The following JARID2 variants were observed in gnomAD, a reference collection of about 807,000 sequenced individuals.
JARID2 encodes protein Jumonji.
JARID2 carries 21 observed loss-of-function variants against 125.6 expected under a neutral mutation model. The ratio of observed to expected loss-of-function variants is 0.17; its 90% CI spans 0.12 to 0.24. The LOEUF is 0.24. Among genes scored for constraint, JARID2 ranks in the 10% least tolerant of loss-of-function variants. JARID2 has a pLI of 1.00. For missense variants in JARID2, 1,303 were observed against 1,639.6 expected (o/e 0.79, Z 3.55); for synonymous variants, 736 against 661.6 (o/e 1.11, Z -1.73).
rs201785620 is a variant in JARID2 at position 15,507,128 on chromosome 6, C to G, written c.2542-8C>G. On this transcript the variant is annotated splice_region_variant and splice_polypyrimidine_tract_variant and intron_variant, in intron 9 of 17. Transcript: ENST00000341776. Reference sequence around the variant, plus strand: ...GGGTGCTGACCAGCCCTTTCCTGTTCCCTGCAGCAAGAGTACTGGAGGCTA... The same window carrying G: ...GGGTGCTGACCAGCCCTTTCCTGTTGCCTGCAGCAAGAGTACTGGAGGCTA... 4 of 1,579,108 alleles carry G rather than the reference C, an allele frequency of 2.5e-6. No homozygotes were observed. Among genetic ancestry groups the G allele is most frequent in the South Asian group, 2.2e-5 (2 of 90,226 alleles).
chr6:15,352,037 T>A (rs547552736), intron 1 of JARID2, among the ~76,000 whole-genome samples: 7 of 152,248 alleles, frequency 4.6e-5, no homozygotes, highest in African/African-American at 1.4e-4. Context: ...TGTTGATATT[T>A]CTTCCTTTTT....
chr6:15,261,299 TTTC>T (rs1190900793), intron 1 of JARID2, among the ~76,000 whole-genome samples: 23 of 142,508 alleles, frequency 1.6e-4, no homozygotes, highest in Admixed American at 5.7e-4. Flanking sequence ...GATGGTGTTT[TTTC>T]TTCTTCTTCT....
At position 15,520,959 on chromosome 6, in the gene JARID2, A is replaced by AG. The variant is rs199527386; in HGVS notation, c.*712dup. On this transcript the variant is annotated 3_prime_UTR_variant, in exon 18 of 18. Transcript: ENST00000341776. ...AGACGGAAAAGACTGCCTGCCTTGG[A>AG]GGGGTCACATGAGGGAGACCTGTGC... 1.0e-5 allele frequency: 4 copies of AG among 387,250 alleles called. No individual in the cohort carries two copies. The highest frequency in any genetic ancestry group is 2.1e-5 in the Non-Finnish European group (4 of 187,952). The allele number at this position is 387,250 out of a possible 1,614,324, so 24.0% of individuals were successfully genotyped here. A position where few individuals can be genotyped will look rare whatever the true frequency, so the allele number is the denominator to read the frequency against.
At chr6:15,459,433 G>A (rs754963365) in intron 4 of JARID2, among the ~76,000 whole-genome samples, 1 of 151,850 alleles carries the variant, frequency 6.6e-6, no homozygotes, top group Non-Finnish European at 1.5e-5. Flanking sequence ...AGGAAAAAAA[G>A]AGTCTGTATG....
At chr6:15,332,916 C>CTTTCT (rs143925766) in intron 1 of JARID2, among the ~76,000 whole-genome samples, 4 of 85,976 alleles carry the variant, frequency 4.7e-5, no homozygotes, top group Admixed American at 1.6e-4. Context: ...AAAATTTACC[C>CTTTCT]TTTCTTTTCT....
chr6:15,326,257 C>G (rs1310199697), intron 1 of JARID2, among the ~76,000 whole-genome samples: 1 of 152,060 alleles, frequency 6.6e-6, no homozygotes, highest in African/African-American at 2.4e-5. Flanking sequence ...GGGTGGAGTT[C>G]AGTGGTGGTG....
intron 1 of JARID2, among the ~76,000 whole-genome samples, chr6:15,313,885 A>G (rs1340417564): frequency 1.3e-5 from 2 of 152,072 alleles, no homozygotes; most frequent in African/African-American, 2.4e-5. Flanking sequence ...GAGAGTAGAC[A>G]TTGGTAATTA....
intron 1 of JARID2, among the ~76,000 whole-genome samples, chr6:15,361,099 G>GGTGA (rs1378097020): frequency 6.6e-6 from 1 of 152,156 alleles, no homozygotes; most frequent in African/African-American, 2.4e-5. Flanking sequence ...ATTCAGTGGA[G>GGTGA]GTGACTCCAT....
intron 7 of JARID2, among the ~76,000 whole-genome samples, chr6:15,497,632 CAG>C (rs111948719): frequency 0.052 from 7,139 of 136,926 alleles, 216 homozygotes; most frequent in African/African-American, 0.092. Context: ...GCCTGGGTGA[CAG>C]AGTGAGATTC....
chr6:15,356,057 T>C (rs1763589861), intron 1 of JARID2, among the ~76,000 whole-genome samples: 2 of 152,238 alleles, frequency 1.3e-5, no homozygotes. Flanking sequence ...GGAGACTTCG[T>C]AGCAATGGAA....
chr6:15,463,056 C>T (rs934668532), intron 4 of JARID2, among the ~76,000 whole-genome samples: 1 of 152,002 alleles, frequency 6.6e-6, no homozygotes, highest in Non-Finnish European at 1.5e-5. Flanking sequence ...ACTCTGATTG[C>T]TCTTATCTGA....
At chr6:15,258,610 T>C (rs906748250) in intron 1 of JARID2, among the ~76,000 whole-genome samples, 2 of 152,170 alleles carry the variant, frequency 1.3e-5, no homozygotes, top group East Asian at 1.9e-4. Flanking sequence ...GGTGAAAACC[T>C]GTCTCTACTG....
chr6:15,288,719 C>T (rs1761094203), intron 1 of JARID2, among the ~76,000 whole-genome samples: 1 of 152,066 alleles, frequency 6.6e-6, no homozygotes, highest in Non-Finnish European at 1.5e-5. Context: ...TGATCCTTTG[C>T]AAAAATGAGG....
At chr6:15,408,375 T>C (rs1765736290) in intron 2 of JARID2, among the ~76,000 whole-genome samples, 1 of 152,226 alleles carries the variant, frequency 6.6e-6, no homozygotes, top group Non-Finnish European at 1.5e-5. Context: ...CAGTTTTCTC[T>C]ATGGTAATTT....
Position 15,521,514 on chromosome 6 carries a change from CATTT to C in JARID2, c.*1266_*1269del, listed in dbSNP as rs1483791134. 31 of 151,842 alleles carry C rather than the reference CATTT, an allele frequency of 2.0e-4. No homozygotes were observed. Among genetic ancestry groups the C allele is most frequent in the African/African-American group, 4.6e-4 (19 of 41,358 alleles). The allele number at this position is 151,842 out of a possible 1,614,324, so 9.4% of individuals were successfully genotyped here. ...GATGCTTACAGGGTTTTTCTTGTAA[CATTT>C]ATAAGTGCTGCTTACATCACTGAAC... On this transcript the variant is annotated 3_prime_UTR_variant, in exon 18 of 18. Coordinates refer to ENST00000341776, the MANE Select transcript of JARID2 (RefSeq NM_004973.4).
At chr6:15,509,371 C>T (rs1180413918) in intron 12 of JARID2, 1 of 985,222 alleles carries the variant, frequency 1.0e-6, no homozygotes, top group Non-Finnish European at 1.2e-6. Flanking sequence ...AGTCTTAGGA[C>T]TCGTGTTCTC....
intron 16 of JARID2, 97 bp from the exon 17 acceptor site, chr6:15,517,064 G>A (rs1771596289): frequency 2.5e-5 from 21 of 826,490 alleles, no homozygotes; most frequent in South Asian, 2.5e-4. Flanking sequence ...CGGGCAGTGG[G>A]TGTGGTGGCT....
intron 1 of JARID2, among the ~76,000 whole-genome samples, chr6:15,329,938 A>T (rs1762653032): frequency 6.6e-6 from 1 of 152,218 alleles, no homozygotes; most frequent in Non-Finnish European, 1.5e-5. Flanking sequence ...CTCAACATTG[A>T]AATAGATGTT....
chr6:15,471,332 CCT>C (rs980047731), intron 5 of JARID2, among the ~76,000 whole-genome samples: 14 of 152,268 alleles, frequency 9.2e-5, no homozygotes, highest in African/African-American at 3.1e-4. Context: ...AGAAAGGAAA[CCT>C]CTGGAGAACT....
Sources: allele counts gnomAD v4.1 joint callset (sites outside exome capture counted in the v4.1 genomes callset), GRCh38; gene constraint gnomAD v4.1.1; transcripts MANE v1.5; gene names NCBI Gene and HGNC (gene_info 2026-07-23, HGNC 2026-07-21).